Variants in INTS4 observed in about 807,000 individuals in gnomAD.
INTS4 encodes the protein MSTP093.
A neutral mutation model predicts 119.5 loss-of-function variants in INTS4; 70 were observed. The ratio of observed to expected loss-of-function variants is 0.59; its 90% confidence interval spans 0.48 to 0.71. The LOEUF is 0.71. Ranked by LOEUF, INTS4 falls within the 30% of genes least tolerant of loss-of-function variation. The probability of loss-of-function intolerance (pLI) is 0.00; values close to 1 mark genes in which losing one functional copy is unlikely to be tolerated. For synonymous variants in INTS4, 316 were observed against 419.6 expected (o/e 0.75, Z 3.02); for missense variants, 867 against 1,173.2 (o/e 0.74, Z 3.81).
intron 6 of INTS4, among the ~76,000 whole-genome samples, chr11:77,960,051 A>G (rs982630968): frequency 7.2e-5 from 11 of 152,026 alleles, no homozygotes; most frequent in African/African-American, 2.7e-4. Context: ...AAAGACTAAC[A>G]CGTTCCTTAT....
chr11:77,895,527 G>GAAAAAA (rs71046921), intron 18 of INTS4, among the ~76,000 whole-genome samples: 8 of 39,232 alleles, frequency 2.0e-4, no homozygotes, highest in African/African-American at 6.6e-4. Context: ...TTCTTTTCCT[G>GAAAAAA]AAAAAAAAAA....
chr11:77,964,638 T>A (rs1855414728), intron 4 of INTS4, among the ~76,000 whole-genome samples: 1 of 149,528 alleles, frequency 6.7e-6, no homozygotes, highest in Non-Finnish European at 1.5e-5. Flanking sequence ...CAATTTAAAC[T>A]TCAAAAAATA....
At chr11:77,967,506 C>G (rs754433679) in intron 4 of INTS4, among the ~76,000 whole-genome samples, 12 of 152,112 alleles carry the variant, frequency 7.9e-5, no homozygotes, top group African/African-American at 1.4e-4. Flanking sequence ...AGAGGTATAT[C>G]CCGTAAGTGA....
rs149325898 is a variant in INTS4, at chr11:77,958,738, A to C, written c.797+8T>G. ...AATCAACAAAAGCCAGCTTACACCCACACTGACCTTTCAGGATAGAGCTGA... is the reference window on the plus strand; with the variant it reads ...AATCAACAAAAGCCAGCTTACACCCCCACTGACCTTTCAGGATAGAGCTGA... On this transcript the variant is annotated splice_region_variant and intron_variant, in intron 7 of 22. Coordinates refer to ENST00000534064, the MANE Select transcript of INTS4 (RefSeq NM_033547.4). 3.0e-3 allele frequency: 4,708 copies of C among 1,586,742 alleles called. 88 individuals carry two copies. The African/African-American group carries it at 0.048, about 16-fold the overall frequency.
intron 8 of INTS4, among the ~76,000 whole-genome samples, chr11:77,942,432 T>G (rs1953951694): frequency 6.6e-6 from 1 of 152,220 alleles, no homozygotes; most frequent in African/African-American, 2.4e-5. Context: ...AGAGCCTTAT[T>G]TGCCATAGTA....
chr11:77,957,460 G>T (rs960943685), intron 7 of INTS4, among the ~76,000 whole-genome samples: 12 of 151,316 alleles, frequency 7.9e-5, no homozygotes, highest in Non-Finnish European at 1.6e-4. Context: ...TCAGGCATGA[G>T]AATTGCTTCA....
chr11:77,903,569 T>C lies in INTS4; in HGVS notation c.2068A>G (p.Ser690Gly). Reference sequence around the variant, plus strand: ...TTCGCTGCTGCTGAGGCCAAATCACTCTGCTTCAAATACAAAGGGGCAGCT... The same window carrying C: ...TTCGCTGCTGCTGAGGCCAAATCACCCTGCTTCAAATACAAAGGGGCAGCT... Reference protein sequence around the residue: ...NVAAPLYLKQSDLASAAAKQI... With the variant: ...NVAAPLYLKQGDLASAAAKQI... Residue 690 changes from serine to glycine, a missense_variant, in exon 17 of 23, where the codon AGT becomes GGT. Ser to Gly is a moderately conservative substitution (Grantham distance 56, BLOSUM62 0). Coordinates refer to ENST00000534064, the MANE Select transcript of INTS4 (RefSeq NM_033547.4). The C allele has an allele frequency of 1.9e-6, 3 of 1,613,932 alleles. No individual in the cohort carries two copies. The highest frequency in any genetic ancestry group is 2.5e-6 in the Non-Finnish European group (3 of 1,179,842).
intron 22 of INTS4, among the ~76,000 whole-genome samples, chr11:77,883,248 G>A (rs577194346): frequency 6.6e-6 from 1 of 152,118 alleles, no homozygotes; most frequent in Non-Finnish European, 1.5e-5. Flanking sequence ...AAACACCACT[G>A]AGGCCAATTC....
chr11:77,899,078 C>T (rs1220508402), intron 18 of INTS4, among the ~76,000 whole-genome samples: 2 of 152,054 alleles, frequency 1.3e-5, no homozygotes, highest in African/African-American at 2.4e-5. Flanking sequence ...ATAACCCTTA[C>T]AATAACCCTG....
In INTS4 at chr11:77,918,282, C is replaced by T. The variant is rs557381877; in HGVS notation, c.1922+539G>A. The T allele has an allele frequency of 2.8e-4, 158 of 569,476 alleles. 1 individual carries two copies. In the Middle Eastern group the frequency reaches 3.5e-3, roughly 13 times the overall value. The allele number at this position is 569,476 out of a possible 1,614,324, so 35.3% of individuals were successfully genotyped here. A position where few individuals can be genotyped will look rare whatever the true frequency, so the allele number is the denominator to read the frequency against. ...CCTCGACTCTACAAAAAAAAAAAAG[C>T]CAAAATTAGCCAGGTGTGGTGGCAT... On this transcript the variant is annotated intron_variant, in intron 15 of 22. Coordinates refer to ENST00000534064, the MANE Select transcript of INTS4 (RefSeq NM_033547.4).
chr11:77,964,336 G>A (rs904327176), intron 4 of INTS4, among the ~76,000 whole-genome samples: 2 of 152,050 alleles, frequency 1.3e-5, no homozygotes, highest in African/African-American at 4.8e-5. Context: ...AGGAGGCCAA[G>A]GCGGGTGGAT....
At chr11:77,911,555 G>A (rs1953089210) in intron 15 of INTS4, among the ~76,000 whole-genome samples, 1 of 152,142 alleles carries the variant, frequency 6.6e-6, no homozygotes, top group East Asian at 1.9e-4. Context: ...TTGTTCTGAA[G>A]TGCACAAAAC....
chr11:77,924,611 TA>T (rs1344257352), intron 12 of INTS4, 138 bp downstream of exon 12: 2 of 656,264 alleles, frequency 3.0e-6, no homozygotes, highest in African/African-American at 3.7e-5. Flanking sequence ...AGAGTTCGGT[TA>T]AGTTGAATCA....
Position 77,978,988 on chromosome 11 carries a change from A to G in INTS4, c.471+8T>C. On this transcript the variant is annotated splice_region_variant and intron_variant, in intron 4 of 22. Transcript: ENST00000534064. The stretch of plus-strand genomic sequence containing the variant: ...TAGGATGGATCTGAATAGATTTTAT[A>G]CTCTTACCTTGCAGGCCACATCAAC... The G allele has an allele frequency of 2.6e-6, 4 of 1,562,028 alleles. No individual in the cohort carries two copies. The highest frequency in any genetic ancestry group is 3.5e-6 in the Non-Finnish European group (4 of 1,133,246).
chr11:77,908,359 C>T (rs1446345954), intron 15 of INTS4, among the ~76,000 whole-genome samples: 12 of 148,158 alleles, frequency 8.1e-5, no homozygotes, highest in African/African-American at 2.8e-4. Context: ...GGTGGAGTCT[C>T]GCTCTGTTGC....
intron 10 of INTS4, among the ~76,000 whole-genome samples, chr11:77,933,720 G>GCCC (rs897054972): frequency 6.6e-6 from 1 of 151,680 alleles, no homozygotes; most frequent in South Asian, 2.1e-4. Context: ...CTGCCCTGCC[G>GCCC]CCCCCTATGA....
At chr11:77,915,980 T>C (rs749135862) in intron 15 of INTS4, among the ~76,000 whole-genome samples, 2 of 152,206 alleles carry the variant, frequency 1.3e-5, no homozygotes, top group Non-Finnish European at 2.9e-5. Context: ...TTCCTGATCA[T>C]AGCAGGAACA....
chr11:77,957,419 G>A (rs1954356320), intron 7 of INTS4, among the ~76,000 whole-genome samples: 2 of 151,756 alleles, frequency 1.3e-5, no homozygotes, highest in South Asian at 4.2e-4. Flanking sequence ...GTGTGGTGGT[G>A]CGCGACTGTA....
intron 18 of INTS4, among the ~76,000 whole-genome samples, chr11:77,900,072 A>C (rs1952710300): frequency 6.6e-6 from 1 of 152,034 alleles, no homozygotes; most frequent in Non-Finnish European, 1.5e-5. Context: ...GTAGGGATTA[A>C]ACATTTGTTA....
Sources: gnomAD v4.1 joint callset for allele counts (sites outside exome capture counted in the v4.1 genomes callset) on GRCh38, gnomAD v4.1.1 for gene constraint, MANE v1.5 for transcripts, NCBI Gene and HGNC (gene_info 2026-07-23, HGNC 2026-07-21) for gene names.